The following RORA variants were observed in gnomAD, a reference collection of about 807,000 sequenced individuals.
RORA encodes the protein nuclear receptor ROR-alpha.
Under a neutral mutation model 69.5 loss-of-function variants are expected in RORA, and 7 were observed. The ratio of observed to expected loss-of-function variants is 0.10; its 90% CI spans 0.06 to 0.19. The LOEUF (loss-of-function observed/expected upper bound fraction) is 0.19. RORA is among the 10% of genes least tolerant of loss of function. The pLI, the probability that RORA is intolerant of heterozygous loss-of-function variation, is 1.00. For synonymous variants in RORA, 261 were observed against 240.8 expected (o/e 1.08, Z -0.78); for missense variants, 457 against 663.0 (o/e 0.69, Z 3.41).
chr15:60,669,695 G>A (rs2070435855), intron 2 of RORA, among the ~76,000 whole-genome samples: 1 of 152,132 alleles, frequency 6.6e-6, no homozygotes, highest in Non-Finnish European at 1.5e-5. Context: ...TACCCTTCCA[G>A]AGCAAGCTCA....
At chr15:60,800,473 T>C (rs2072563944) in intron 1 of RORA, among the ~76,000 whole-genome samples, 1 of 152,214 alleles carries the variant, frequency 6.6e-6, no homozygotes, top group African/African-American at 2.4e-5. Flanking sequence ...GTATCAACCT[T>C]ATAAACCCAC....
At chr15:60,747,853 C>T (rs146004515) in intron 1 of RORA, among the ~76,000 whole-genome samples, 178 of 152,174 alleles carry the variant, frequency 1.2e-3, no homozygotes, top group African/African-American at 4.1e-3. Flanking sequence ...CTTAGTAAAG[C>T]AACTCAGAAA....
rs1367953363 is a variant in RORA, at chr15:61,047,248, G to A, written c.166+181805C>T. 2.0e-5 allele frequency among the ~76,000 whole-genome samples: 3 copies of A among 152,364 alleles called. No homozygotes were observed. In the East Asian group the frequency reaches 5.8e-4, roughly 29 times the overall value. ...GCACTAGCTCTCTTCAGGTCACCTG[G>A]CACATGGCCTGGGCCCCCTGCAGAA... On this transcript the variant is annotated intron_variant, in intron 1 of 10. Coordinates refer to ENST00000335670, the MANE Select transcript of RORA (RefSeq NM_134261.3).
At chr15:60,827,191 G>T (rs1010652450) in intron 1 of RORA, among the ~76,000 whole-genome samples, 1 of 152,178 alleles carries the variant, frequency 6.6e-6, no homozygotes, top group Admixed American at 6.5e-5. Context: ...GCTATGGGGA[G>T]AAATTCTTTT....
chr15:60,988,433 G>A (rs926320932), intron 1 of RORA, among the ~76,000 whole-genome samples: 13 of 152,126 alleles, frequency 8.5e-5, no homozygotes, highest in African/African-American at 1.9e-4. Context: ...ATTCAGCTCA[G>A]GAAATGCCTA....
intron 2 of RORA, among the ~76,000 whole-genome samples, chr15:60,648,462 C>T (rs1042491089): frequency 3.3e-5 from 5 of 152,168 alleles, no homozygotes; most frequent in African/African-American, 9.6e-5. Flanking sequence ...TTATCCAAAG[C>T]GTTATAACTG....
chr15:60,715,419 T>TG (rs2071207233), intron 1 of RORA, among the ~76,000 whole-genome samples: 1 of 152,196 alleles, frequency 6.6e-6, no homozygotes, highest in Non-Finnish European at 1.5e-5. Context: ...GACAGGCTGG[T>TG]GGTCAACTTT....
chr15:60,972,119 A>G (rs554395137), intron 1 of RORA, among the ~76,000 whole-genome samples: 33 of 152,344 alleles, frequency 2.2e-4, no homozygotes, highest in African/African-American at 7.9e-4. Context: ...CTGCTCAAAT[A>G]TTTTGTAAGC....
rs192411036 is a variant in RORA, at chr15:60,871,390, G to C, written c.167-192704C>G. On this transcript the variant is annotated intron_variant, in intron 1 of 10. Transcript: ENST00000335670. ...TGGCCTTCACTGAATCGCTGCCCTA[G>C]CAAACAAAGCATTGTTTATGGGATT... is the stretch of plus-strand genomic sequence containing the variant. Among the ~76,000 whole-genome samples the C allele has an allele frequency of 4.6e-5, 7 of 152,318 alleles. No homozygotes were observed. The East Asian group carries it at 1.3e-3, about 29-fold the overall frequency.
chr15:60,941,783 A>G (rs540660799), intron 1 of RORA, among the ~76,000 whole-genome samples: 2 of 152,328 alleles, frequency 1.3e-5, no homozygotes, highest in Admixed American at 6.5e-5. Context: ...TCACTGATCT[A>G]TCTTTTTCAT....
rs56303340 is a variant in RORA at position 60,855,610 on chromosome 15, TTTTATTTA to T, written c.167-176932_167-176925del. ...TTATTTATTCTCTTGCAGTGTTTGC[TTTTATTTA>T]TTTATTTATTTATTTAATGAAACTA... On this transcript the variant is annotated intron_variant, in intron 1 of 10. Coordinates refer to ENST00000335670, the MANE Select transcript of RORA (RefSeq NM_134261.3). Among the ~76,000 whole-genome samples the T allele has an allele frequency of 2.6e-4, 40 of 152,010 alleles. 1 individual carries two copies. The highest frequency in any genetic ancestry group is 7.8e-4 in the Admixed American group (12 of 15,292).
intron 1 of RORA, among the ~76,000 whole-genome samples, chr15:60,756,172 G>T (rs1009813508): frequency 1.1e-4 from 17 of 152,210 alleles, no homozygotes; most frequent in African/African-American, 3.9e-4. Flanking sequence ...ATAACTGGAT[G>T]AATGTAGTGA....
chr15:61,209,598 G>A (rs35439153), intron 1 of RORA, among the ~76,000 whole-genome samples: 3 of 152,036 alleles, frequency 2.0e-5, no homozygotes, highest in Non-Finnish European at 4.4e-5. Context: ...TTAGAAGGTG[G>A]GGCCTCTAGA....
chr15:60,825,150 G>T (rs73428352), intron 1 of RORA, among the ~76,000 whole-genome samples: 179 of 152,266 alleles, frequency 1.2e-3, no homozygotes, highest in African/African-American at 4.2e-3. Flanking sequence ...GTCAACCAGG[G>T]CACCTTCTAA....
chr15:60,854,435 A>G (rs1246123775), intron 1 of RORA, among the ~76,000 whole-genome samples: 1 of 152,162 alleles, frequency 6.6e-6, no homozygotes, highest in Non-Finnish European at 1.5e-5. Flanking sequence ...GTTTTTCTGT[A>G]TTTAGGCCAT....
intron 2 of RORA, among the ~76,000 whole-genome samples, chr15:60,584,980 C>T (rs576695490): frequency 2.0e-5 from 3 of 152,004 alleles, no homozygotes; most frequent in African/African-American, 4.8e-5. Context: ...TTTCATGAAA[C>T]GCTGCAATTT....
intron 1 of RORA, among the ~76,000 whole-genome samples, chr15:61,121,090 A>T (rs2576986): frequency 0.98 from 149,038 of 152,140 alleles, 73,078 homozygotes; most frequent in Middle Eastern, 1. Context: ...CCTCAGGTGA[A>T]CCACCCGCCT....
intron 2 of RORA, among the ~76,000 whole-genome samples, chr15:60,650,007 C>T (rs917225322): frequency 2.0e-5 from 3 of 152,146 alleles, no homozygotes; most frequent in Non-Finnish European, 2.9e-5. Flanking sequence ...CACCAAATGA[C>T]ACACTTTGGG....
intron 1 of RORA, among the ~76,000 whole-genome samples, chr15:60,946,092 C>A (rs1197490669): frequency 6.6e-6 from 1 of 152,114 alleles, no homozygotes; most frequent in Non-Finnish European, 1.5e-5. Context: ...GCCAAGTGCA[C>A]CTTTCTGAAT....
Sources: allele counts gnomAD v4.1 joint callset (sites outside exome capture counted in the v4.1 genomes callset), GRCh38; gene constraint gnomAD v4.1.1; transcripts MANE v1.5; gene names NCBI Gene and HGNC (gene_info 2026-07-23, HGNC 2026-07-21).